Variants in DGKI observed in about 807,000 individuals in gnomAD.
DGKI encodes the protein diacylglycerol kinase iota.
Under a neutral mutation model 147.5 loss-of-function variants are expected in DGKI, and 55 were observed. That is an observed-to-expected ratio of 0.37 (90% CI 0.30 to 0.47). The LOEUF (loss-of-function observed/expected upper bound fraction) is 0.47. DGKI is among the 20% of genes least tolerant of loss of function. DGKI has a pLI of 1.00. For synonymous variants in DGKI, 469 were observed against 477.1 expected, an observed-to-expected ratio of 0.98 and a Z score of 0.22; for missense variants, 1,007 against 1,323.8, an observed-to-expected ratio of 0.76 and a Z score of 3.71.
intron 7 of DGKI, among the ~76,000 whole-genome samples, chr7:137,621,051 C>T (rs1193102830): frequency 6.6e-6 from 1 of 152,160 alleles, no homozygotes; most frequent in African/African-American, 2.4e-5. Context: ...TATGTCCACC[C>T]TAATTACATT....
chr7:137,483,774 T>A (rs561994212), intron 23 of DGKI, among the ~76,000 whole-genome samples: 20 of 152,236 alleles, frequency 1.3e-4, no homozygotes, highest in African/African-American at 4.6e-4. Context: ...AAGAACGTGA[T>A]CTCATTCCTT....
At chr7:137,621,192 C>T (rs1820735198) in intron 7 of DGKI, among the ~76,000 whole-genome samples, 2 of 152,280 alleles carry the variant, frequency 1.3e-5, no homozygotes, top group Middle Eastern at 3.4e-3. Flanking sequence ...CTGCCTGCCA[C>T]CAGTTATTGG....
intron 21 of DGKI, among the ~76,000 whole-genome samples, chr7:137,492,031 T>C (rs1339011339): frequency 6.6e-6 from 1 of 152,166 alleles, no homozygotes; most frequent in African/African-American, 2.4e-5. Flanking sequence ...AAATGGGACA[T>C]ATCTAGGACA....
At chr7:137,672,278 C>T (rs1822868446) in intron 3 of DGKI, among the ~76,000 whole-genome samples, 1 of 152,156 alleles carries the variant, frequency 6.6e-6, no homozygotes, top group Non-Finnish European at 1.5e-5. Context: ...CTAGCACTGC[C>T]CTAAGAAAGC....
At chr7:137,632,109 A>C (rs1821142302) in intron 6 of DGKI, among the ~76,000 whole-genome samples, 1 of 152,216 alleles carries the variant, frequency 6.6e-6, no homozygotes, top group Admixed American at 6.5e-5. Context: ...TTGAAGTTGC[A>C]AGGGGACTTG....
intron 20 of DGKI, among the ~76,000 whole-genome samples, chr7:137,533,815 C>G (rs774428298): frequency 6.6e-6 from 1 of 151,524 alleles, no homozygotes; most frequent in Non-Finnish European, 1.5e-5. Context: ...TATCTTTTTT[C>G]TTAATTTTTA....
intron 20 of DGKI, among the ~76,000 whole-genome samples, chr7:137,548,994 T>A (rs564484646): frequency 6.6e-6 from 1 of 152,010 alleles, no homozygotes; most frequent in Non-Finnish European, 1.5e-5. Context: ...ATAAATAAAT[T>A]ATCCAGCCTC....
At chr7:137,837,057 A>T (rs1403549435) in intron 1 of DGKI, among the ~76,000 whole-genome samples, 1 of 152,246 alleles carries the variant, frequency 6.6e-6, no homozygotes, top group African/African-American at 2.4e-5. Flanking sequence ...AGCAATATGC[A>T]AATATGGGCA....
intron 9 of DGKI, 51 bp from the exon 10 acceptor site, chr7:137,609,115 C>A: frequency 1.3e-6 from 2 of 1,483,936 alleles, no homozygotes; most frequent in Non-Finnish European, 9.4e-7. Context: ...GCTTGAAAGG[C>A]AACCCCAAGG....
intron 1 of DGKI, among the ~76,000 whole-genome samples, chr7:137,826,233 G>A (rs1798053901): frequency 6.6e-6 from 1 of 152,132 alleles, no homozygotes; most frequent in Non-Finnish European, 1.5e-5. Flanking sequence ...CATTATATGA[G>A]AAGAAAGGTG....
intron 28 of DGKI, among the ~76,000 whole-genome samples, chr7:137,429,591 A>T (rs1253007359): frequency 2.6e-5 from 4 of 152,122 alleles, no homozygotes; most frequent in South Asian, 2.1e-4. Context: ...CACAGCAAAA[A>T]AAACTACCAT....
chr7:137,681,672 T>C (rs1823240289), intron 2 of DGKI, among the ~76,000 whole-genome samples: 1 of 152,238 alleles, frequency 6.6e-6, no homozygotes, highest in African/African-American at 2.4e-5. Context: ...GCAGCCAATA[T>C]GAGGGAAACC....
At chr7:137,496,177 A>C (rs1251990392) in intron 21 of DGKI, among the ~76,000 whole-genome samples, 1 of 151,944 alleles carries the variant, frequency 6.6e-6, no homozygotes, top group East Asian at 1.9e-4. Flanking sequence ...ATCCAAACTG[A>C]GAACAAAATA....
chr7:137,571,713 G>A (rs1384531557), intron 18 of DGKI, among the ~76,000 whole-genome samples: 1 of 152,142 alleles, frequency 6.6e-6, no homozygotes, highest in Non-Finnish European at 1.5e-5. Flanking sequence ...GTACTCACAG[G>A]AGAAGGGAAA....
chr7:137,756,211 A>G (rs1206113313), intron 1 of DGKI, among the ~76,000 whole-genome samples: 1 of 152,178 alleles, frequency 6.6e-6, no homozygotes, highest in African/African-American at 2.4e-5. Context: ...GATCTCATCA[A>G]TAATCCAGAC....
At chr7:137,817,029 T>G (rs1330775518) in intron 1 of DGKI, among the ~76,000 whole-genome samples, 1 of 152,194 alleles carries the variant, frequency 6.6e-6, no homozygotes, top group Non-Finnish European at 1.5e-5. Context: ...AATGACAATT[T>G]AAGTGATAAA....
chr7:137,703,889 A>G (rs1793913221), intron 1 of DGKI, among the ~76,000 whole-genome samples: 1 of 152,166 alleles, frequency 6.6e-6, no homozygotes, highest in Admixed American at 6.6e-5. Flanking sequence ...AGTCAATAAA[A>G]ATTTTTTTGG....
intron 1 of DGKI, among the ~76,000 whole-genome samples, chr7:137,752,306 C>T (rs1190046982): frequency 6.6e-6 from 1 of 151,798 alleles, no homozygotes; most frequent in Non-Finnish European, 1.5e-5. Flanking sequence ...AAAAAGGTAT[C>T]GATAGGGGGT....
At chr7:137,493,660 C>T (rs778501301) in intron 21 of DGKI, 1 of 680,346 alleles carries the variant, frequency 1.5e-6, no homozygotes, top group Non-Finnish European at 2.6e-6. Context: ...TGAAAGCAAA[C>T]AAAAACCAAA....
Sources: allele counts gnomAD v4.1 joint callset (sites outside exome capture counted in the v4.1 genomes callset), GRCh38; gene constraint gnomAD v4.1.1; transcripts MANE v1.5; gene names NCBI Gene and HGNC (gene_info 2026-07-23, HGNC 2026-07-21).